COL9A1: variants seen among roughly 807,000 people sequenced by gnomAD.
The protein encoded by COL9A1 is collagen alpha-1(IX) chain.
A neutral mutation model predicts 142.6 loss-of-function variants in COL9A1; 104 were observed. The observed-to-expected ratio is 0.73, with a 90% CI of 0.62 to 0.86. COL9A1 has a LOEUF of 0.86. Among genes scored for constraint, COL9A1 ranks in the 40% least tolerant of loss-of-function variants. The pLI, the probability that COL9A1 is intolerant of heterozygous loss-of-function variation, is 0.00. For synonymous variants in COL9A1, 466 were observed against 396.0 expected, an observed-to-expected ratio of 1.18 and a Z score of -2.10; for missense variants, 1,210 against 1,176.6, an observed-to-expected ratio of 1.03 and a Z score of -0.42.
intron 33 of COL9A1, among the ~76,000 whole-genome samples, chr6:70,238,667 TTA>T (rs1321294143): frequency 6.6e-6 from 1 of 152,198 alleles, no homozygotes; most frequent in Non-Finnish European, 1.5e-5. Context: ...CATTAGAGTA[TTA>T]CCATGTAACA....
intron 12 of COL9A1, among the ~76,000 whole-genome samples, chr6:70,272,341 A>G (rs1237951480): frequency 1.3e-5 from 2 of 151,844 alleles, no homozygotes; most frequent in Non-Finnish European, 2.9e-5. Flanking sequence ...TTTTTTAAGG[A>G]AATCAAAGTA....
intron 4 of COL9A1, among the ~76,000 whole-genome samples, chr6:70,299,257 A>G (rs904059052): frequency 1.8e-4 from 27 of 152,096 alleles, no homozygotes; most frequent in African/African-American, 6.5e-4. Context: ...TTATTGTTCT[A>G]ATTAATCATT....
At chr6:70,234,743 C>A (rs1387566085) in intron 34 of COL9A1, 51 bp downstream of exon 34, 1 of 1,613,012 alleles carries the variant, frequency 6.2e-7, no homozygotes, top group African/African-American at 1.3e-5. Context: ...AGCCCTGCTG[C>A]TGTGGGATGG....
At chr6:70,300,922 A>G (rs774217012) in intron 2 of COL9A1, among the ~76,000 whole-genome samples, 61 of 152,332 alleles carry the variant, frequency 4.0e-4, no homozygotes, top group Middle Eastern at 3.4e-3. Context: ...AATCTTTGTC[A>G]GATATAGGGG....
intron 33 of COL9A1, among the ~76,000 whole-genome samples, chr6:70,237,915 G>C (rs1770015445): frequency 6.6e-6 from 1 of 152,202 alleles, no homozygotes. Context: ...AGATCGAAAT[G>C]CTTAAGTAGG....
At chr6:70,299,282 C>G (rs954454746) in intron 4 of COL9A1, among the ~76,000 whole-genome samples, 1 of 151,866 alleles carries the variant, frequency 6.6e-6, no homozygotes, top group African/African-American at 2.4e-5. Context: ...ATCTTTATAA[C>G]TTAATTTCTA....
intron 33 of COL9A1, 98 bp from the exon 34 acceptor site, chr6:70,235,038 G>T: frequency 6.9e-7 from 1 of 1,449,166 alleles, no homozygotes; most frequent in Non-Finnish European, 9.5e-7. Flanking sequence ...GCGGTTTCCT[G>T]CACTCTGCAT....
In COL9A1 at chr6:70,253,016, G is replaced by GA. The variant is rs3840410; in HGVS notation, c.1764+368dup. ...TATAAGCACTGGTCGATCAGTATGT[G>GA]AAAAAAAAAATGCCTAATATCTTTT... On this transcript the variant is annotated intron_variant, in intron 26 of 37. Transcript: ENST00000357250. 2.1e-4 allele frequency among the ~76,000 whole-genome samples: 31 copies of GA among 149,634 alleles called. 1 individual carries two copies. Among genetic ancestry groups the GA allele is most frequent in the Middle Eastern group, 6.9e-3 (2 of 290 alleles).
intron 33 of COL9A1, among the ~76,000 whole-genome samples, chr6:70,236,111 T>TA (rs1562293722): frequency 3.9e-5 from 1 of 25,690 alleles, no homozygotes; most frequent in Non-Finnish European, 6.6e-5. Flanking sequence ...AGACTCCATC[T>TA]CAAAAAAAAA....
chr6:70,253,343 G>T, intron 26 of COL9A1, 42 bp downstream of exon 26: 3 of 1,295,206 alleles, frequency 2.3e-6, no homozygotes, highest in Non-Finnish European at 3.3e-6. Flanking sequence ...AAATAATAAA[G>T]AAATTAAGAA....
chr6:70,221,872 T>C lies in COL9A1; in HGVS notation c.2581+4060A>G, dbSNP rs150709445. On this transcript the variant is annotated intron_variant, in intron 37 of 37. Transcript: ENST00000357250. ...CAACCGACCAAGCAATAACACTAGC[T>C]GACCTGTGGCACAAAACTGAAGGCG... 4.9e-4 allele frequency among the ~76,000 whole-genome samples: 74 copies of C among 152,272 alleles called. 1 individual carries two copies. Among genetic ancestry groups the C allele is most frequent in the South Asian group, 3.1e-3 (15 of 4,820 alleles).
intron 28 of COL9A1, among the ~76,000 whole-genome samples, chr6:70,247,952 T>C (rs1770703822): frequency 6.6e-6 from 1 of 152,096 alleles, no homozygotes. Context: ...AGGCTGTTGG[T>C]ATTGGAGGGG....
intron 6 of COL9A1, chr6:70,283,352 G>T (rs1425897512): frequency 2.9e-5 from 28 of 966,166 alleles, no homozygotes; most frequent in Non-Finnish European, 4.0e-5. Context: ...ACGCAGCTCT[G>T]CCTCCATCCC....
In COL9A1 at chr6:70,270,336, G is replaced by A. The variant is rs749309304; in HGVS notation, c.1175C>T (p.Pro392Leu). ...TACTCTGGGTCCTGGGGGGCCAGGG[G>A]GGCCAGGTGGTCCTCTTCTCCCAGG... ...GDPGRRGPPGPPGPPGPRGTI... is the reference protein window; with the variant it reads ...GDPGRRGPPGLPGPPGPRGTI... The change falls in exon 15 of 38, where the codon CCC (proline) becomes CTC (leucine). Residue 392 changes from proline (P) to leucine (L), a missense_variant. Coordinates refer to ENST00000357250, the MANE Select transcript of COL9A1 (RefSeq NM_001851.6). 5.6e-6 allele frequency: 9 copies of A among 1,613,810 alleles called. No individual in the cohort carries two copies. The highest frequency in any genetic ancestry group is 1.7e-5 in the Admixed American group (1 of 59,994).
chr6:70,268,243 C>T (rs1469955898), intron 17 of COL9A1, among the ~76,000 whole-genome samples: 1 of 149,968 alleles, frequency 6.7e-6, no homozygotes, highest in East Asian at 2.0e-4. Flanking sequence ...GAGACAAGGT[C>T]TCCCTCCACC....
At chr6:70,266,089 A>C (rs604874) in intron 18 of COL9A1, among the ~76,000 whole-genome samples, 8,538 of 152,246 alleles carry the variant, frequency 0.056, 463 homozygotes, top group African/African-American at 0.14. Context: ...GGATGAAAAG[A>C]GGGCAAATAT....
Position 70,282,881 on chromosome 6 carries a change from C to T in COL9A1, c.801+17G>A. On this transcript the variant is annotated intron_variant, in intron 7 of 37. Transcript: ENST00000357250. ...TGTGCGCTTGAAAAATGCAAACACT[C>T]CCTGCCCCCAACTTACCTCGTCGGT... 1 of 1,614,196 alleles carries T rather than the reference C, an allele frequency of 6.2e-7. No individual in the cohort carries two copies. Among genetic ancestry groups the T allele is most frequent in the Non-Finnish European group, 8.5e-7 (1 of 1,180,050 alleles).
chr6:70,243,740 C>A (rs1397797864), intron 28 of COL9A1, among the ~76,000 whole-genome samples: 2 of 152,188 alleles, frequency 1.3e-5, no homozygotes, highest in African/African-American at 4.8e-5. Flanking sequence ...ATTGGCCAGG[C>A]TGGTCTTGAA....
In COL9A1 at chr6:70,251,250, A is replaced by T. The variant is rs1260770768; in HGVS notation, c.1872+870T>A. Among the ~76,000 whole-genome samples the T allele has an allele frequency of 2.0e-5, 3 of 152,340 alleles. No homozygotes were observed. In the East Asian group the frequency reaches 5.8e-4, roughly 29 times the overall value. ...GTGACAGAAGCCAATCATTAGGAAAAAAAATAAAATACAGTCGGGCATGGT... is the reference window on the plus strand; with the variant it reads ...GTGACAGAAGCCAATCATTAGGAAATAAAATAAAATACAGTCGGGCATGGT... On this transcript the variant is annotated intron_variant, in intron 28 of 37. Transcript: ENST00000357250.
Sources: allele counts gnomAD v4.1 joint callset (sites outside exome capture counted in the v4.1 genomes callset), GRCh38; gene constraint gnomAD v4.1.1; transcripts MANE v1.5; gene names NCBI Gene and HGNC (gene_info 2026-07-23, HGNC 2026-07-21).